Variants in CPQ observed in about 807,000 individuals in gnomAD.
CPQ encodes the protein Ser-Met dipeptidase.
Under a neutral mutation model 45.7 loss-of-function variants are expected in CPQ, and 37 were observed. The ratio of observed to expected loss-of-function variants is 0.81; its 90% CI spans 0.62 to 1.07. The LOEUF (loss-of-function observed/expected upper bound fraction) is 1.07. Ranked by LOEUF, CPQ falls within the 50% of genes least tolerant of loss-of-function variation. The probability of loss-of-function intolerance (pLI) is 0.00; values close to 1 mark genes in which losing one functional copy is unlikely to be tolerated. For synonymous variants in CPQ, 186 were observed against 205.8 expected (o/e 0.90, Z 0.82); for missense variants, 537 against 572.9 (o/e 0.94, Z 0.64).
At chr8:96,662,252 A>G (rs561267109) in intron 1 of CPQ, among the ~76,000 whole-genome samples, 56 of 152,318 alleles carry the variant, frequency 3.7e-4, no homozygotes, top group African/African-American at 1.3e-3. Flanking sequence ...CTTGAATTAA[A>G]TATCCTTAAC....
At chr8:96,914,228 A>G (rs534702090) in intron 4 of CPQ, among the ~76,000 whole-genome samples, 17 of 152,310 alleles carry the variant, frequency 1.1e-4, no homozygotes, top group African/African-American at 3.6e-4. Context: ...ACAGCAACCC[A>G]AGGACTTTAT....
At chr8:96,801,432 G>A (rs1811006819) in intron 2 of CPQ, among the ~76,000 whole-genome samples, 1 of 152,108 alleles carries the variant, frequency 6.6e-6, no homozygotes. Context: ...ACTATTTTAT[G>A]ACATTCAATT....
At chr8:96,834,842 T>C (rs537909266) in intron 2 of CPQ, 131 bp from the exon 3 acceptor site, 4 of 691,934 alleles carry the variant, frequency 5.8e-6, no homozygotes, top group Non-Finnish European at 9.3e-6. Flanking sequence ...GGTAAATGGC[T>C]CTAAAACTTT....
In CPQ at chr8:96,708,576, C is replaced by T. The variant is rs370789892; in HGVS notation, c.-35+63174C>T. 4.6e-5 allele frequency among the ~76,000 whole-genome samples: 7 copies of T among 152,016 alleles called. No homozygotes were observed. In the East Asian group the frequency reaches 9.6e-4, roughly 21 times the overall value. ...GGACTGATATGATATCTGCTCCAAT[C>T]TTCTATCCCTTGTAGTTTTATTCTC... On this transcript the variant is annotated intron_variant, in intron 1 of 7. Transcript: ENST00000220763.
intron 7 of CPQ, among the ~76,000 whole-genome samples, chr8:97,131,889 A>G (rs529448756): frequency 6.6e-6 from 1 of 152,260 alleles, no homozygotes; most frequent in East Asian, 1.9e-4. Flanking sequence ...ATCTGCTTAT[A>G]GAGAAACACC....
At chr8:96,690,515 A>G (rs1809291832) in intron 1 of CPQ, among the ~76,000 whole-genome samples, 1 of 152,190 alleles carries the variant, frequency 6.6e-6, no homozygotes, top group Non-Finnish European at 1.5e-5. Context: ...AGTTGTGTCC[A>G]GGAAATCTAT....
chr8:96,723,661 G>A (rs564737554), intron 1 of CPQ, among the ~76,000 whole-genome samples: 3 of 152,026 alleles, frequency 2.0e-5, no homozygotes, highest in Admixed American at 1.3e-4. Flanking sequence ...ACATAATTTC[G>A]AGCTGTAGAA....
intron 7 of CPQ, among the ~76,000 whole-genome samples, chr8:97,069,794 C>T (rs1041885136): frequency 6.6e-6 from 1 of 151,962 alleles, no homozygotes; most frequent in African/African-American, 2.4e-5. Context: ...TGTTCTAGGC[C>T]TATTAAATTT....
Position 97,028,683 on chromosome 8 carries a change from G to A in CPQ, c.962-720G>A, listed in dbSNP as rs189907183. Among the ~76,000 whole-genome samples, 73 of 152,238 alleles carry A rather than the reference G, an allele frequency of 4.8e-4. 1 individual carries two copies. The highest frequency in any genetic ancestry group is 8.7e-4 in the Non-Finnish European group (59 of 68,016). ...GAGCTGACATTGTCAGCCAAAAATG[G>A]TTCTGGAGCCACTTCATCTGCCATA... is the stretch of plus-strand genomic sequence containing the variant. On this transcript the variant is annotated intron_variant, in intron 5 of 7. Coordinates refer to ENST00000220763, the MANE Select transcript of CPQ (RefSeq NM_016134.4).
At chr8:96,900,720 G>T (rs1416268500) in intron 4 of CPQ, among the ~76,000 whole-genome samples, 1 of 152,116 alleles carries the variant, frequency 6.6e-6, no homozygotes, top group African/African-American at 2.4e-5. Context: ...AGAATCTCAA[G>T]GTTGGACGGG....
intron 2 of CPQ, among the ~76,000 whole-genome samples, chr8:96,822,338 A>G (rs1416971335): frequency 1.3e-5 from 2 of 151,980 alleles, no homozygotes; most frequent in Non-Finnish European, 2.9e-5. Flanking sequence ...TATCTTGGGT[A>G]TTGTCAATAA....
At chr8:96,902,521 C>T (rs1345842669) in intron 4 of CPQ, among the ~76,000 whole-genome samples, 1 of 152,182 alleles carries the variant, frequency 6.6e-6, no homozygotes, top group Admixed American at 6.5e-5. Flanking sequence ...AGGACTGGTT[C>T]AGAATGTGTG....
chr8:97,065,935 T>A (rs1206490818), intron 6 of CPQ, 74 bp from the exon 7 acceptor site: 1 of 1,434,422 alleles, frequency 7.0e-7, no homozygotes, highest in Non-Finnish European at 9.7e-7. Flanking sequence ...ATTTGGTAAT[T>A]GTTGTTTGAT....
At chr8:96,765,153 G>T (rs1331803879) in intron 1 of CPQ, among the ~76,000 whole-genome samples, 1 of 152,146 alleles carries the variant, frequency 6.6e-6, no homozygotes, top group African/African-American at 2.4e-5. Context: ...AGTGTTTGGC[G>T]CAATAGCCCA....
intron 5 of CPQ, among the ~76,000 whole-genome samples, chr8:96,970,314 G>A (rs1181366819): frequency 1.6e-4 from 25 of 152,114 alleles, no homozygotes; most frequent in South Asian, 2.1e-4. Flanking sequence ...TAGCCATACC[G>A]CTGGGTATAA....
intron 1 of CPQ, among the ~76,000 whole-genome samples, chr8:96,701,817 G>A (rs910364064): frequency 1.3e-5 from 2 of 152,166 alleles, no homozygotes; most frequent in Non-Finnish European, 2.9e-5. Context: ...CAGTGTCTCT[G>A]TTCCCAACCC....
Position 96,753,590 on chromosome 8 carries a change from A to G in CPQ, c.-34-31274A>G, listed in dbSNP as rs1047633154. Among the ~76,000 whole-genome samples the G allele has an allele frequency of 2.9e-5, 4 of 139,258 alleles. 1 individual carries two copies. Among genetic ancestry groups the G allele is most frequent in the South Asian group, 4.5e-4 (2 of 4,428 alleles). 91.4% of individuals were successfully genotyped at this position (139,258 alleles called of 152,430 possible). On this transcript the variant is annotated intron_variant, in intron 1 of 7. Coordinates refer to ENST00000220763, the MANE Select transcript of CPQ (RefSeq NM_016134.4). ...AGTATTATGTATTGACCTTTCCCTC[A>G]TTACATTTTCTAATTATTGTTAGTA...
At chr8:97,126,791 T>A (rs1384605660) in intron 7 of CPQ, among the ~76,000 whole-genome samples, 1 of 152,114 alleles carries the variant, frequency 6.6e-6, no homozygotes, top group Admixed American at 6.5e-5. Context: ...AAAACTTTCA[T>A]CTACAATAAT....
intron 1 of CPQ, among the ~76,000 whole-genome samples, chr8:96,694,642 A>G (rs1191377775): frequency 6.6e-6 from 1 of 152,144 alleles, no homozygotes; most frequent in Non-Finnish European, 1.5e-5. Flanking sequence ...CAACAAACAC[A>G]CAGAAGTTAA....
Sources: gnomAD v4.1 joint callset for allele counts (sites outside exome capture counted in the v4.1 genomes callset) on GRCh38, gnomAD v4.1.1 for gene constraint, MANE v1.5 for transcripts, NCBI Gene and HGNC (gene_info 2026-07-23, HGNC 2026-07-21) for gene names.